WDR7: variants seen among roughly 807,000 people sequenced by gnomAD.
WDR7 encodes WD repeat-containing protein 7.
In WDR7, 46 loss-of-function variants were observed where a neutral mutation model predicts 169.4. That is an observed-to-expected ratio of 0.27 (90% CI 0.21 to 0.35). The LOEUF is 0.35. Among genes scored for constraint, WDR7 ranks in the 10% least tolerant of loss-of-function variants. WDR7 has a pLI of 1.00. For synonymous variants in WDR7, 612 were observed against 666.8 expected, an observed-to-expected ratio of 0.92 and a Z score of 1.27; for missense variants, 1,534 against 1,859.3, an observed-to-expected ratio of 0.83 and a Z score of 3.22.
At chr18:56,804,595 GAAGT>G (rs1004805976) in intron 19 of WDR7, among the ~76,000 whole-genome samples, 2 of 152,112 alleles carry the variant, frequency 1.3e-5, no homozygotes, top group African/African-American at 4.8e-5. Flanking sequence ...TATTCATAAA[GAAGT>G]AAGTCAAAAA....
intron 1 of WDR7, among the ~76,000 whole-genome samples, chr18:56,659,515 A>G (rs1160631507): frequency 6.6e-6 from 1 of 152,238 alleles, no homozygotes; most frequent in African/African-American, 2.4e-5. Flanking sequence ...TAAATAAAAC[A>G]TATGGTATGT....
Position 57,027,373 on chromosome 18 carries a change from C to T in WDR7, c.*166C>T. The stretch of plus-strand genomic sequence containing the variant: ...TTGTGCATGCTTCTCAGGGGCAGAA[C>T]CCGCTCGTGCCATCTGTCGATTCAG... On this transcript the variant is annotated 3_prime_UTR_variant, in exon 28 of 28. Transcript: ENST00000254442. 1 of 781,754 alleles carries T rather than the reference C, an allele frequency of 1.3e-6. No homozygotes were observed. Among genetic ancestry groups the T allele is most frequent in the South Asian group, 1.8e-5 (1 of 54,606 alleles). 48.4% of individuals were successfully genotyped at this position (781,754 alleles called of 1,614,324 possible). A position where few individuals can be genotyped will look rare whatever the true frequency, so the allele number is the denominator to read the frequency against.
At position 56,757,341 on chromosome 18, in the gene WDR7, G is replaced by A; in HGVS notation, c.2748G>A (p.Lys916=). The change falls in exon 15 of 28, where the codon AAG becomes AAA. Residue 916 remains lysine (K), a synonymous_variant. Coordinates refer to ENST00000254442, the MANE Select transcript of WDR7 (RefSeq NM_015285.3). ...CTTTTATTGGTGATCATATGAAGAA[G>A]GGTCCTACCAGGTGTGACCATGATA... The part of the protein sequence containing the change: ...NATFIGDHMK[K]GPTRPPRPST... 1 of 1,606,798 alleles carries A rather than the reference G, an allele frequency of 6.2e-7. No individual in the cohort carries two copies. The highest frequency in any genetic ancestry group is 1.3e-5 in the African/African-American group (1 of 74,940).
At chr18:56,690,139 TATAAG>T (rs2025533078) in intron 7 of WDR7, among the ~76,000 whole-genome samples, 1 of 152,252 alleles carries the variant, frequency 6.6e-6, no homozygotes, top group South Asian at 2.1e-4. Flanking sequence ...TGCTAGGAAT[TATAAG>T]AGCAGAGTTT....
intron 26 of WDR7, among the ~76,000 whole-genome samples, chr18:57,015,001 TG>T (rs2048187599): frequency 6.6e-6 from 1 of 152,226 alleles, no homozygotes; most frequent in Non-Finnish European, 1.5e-5. Flanking sequence ...AAGCTTCAAC[TG>T]CAGTGTTTTG....
chr18:56,868,222 A>C (rs541642155), intron 20 of WDR7, among the ~76,000 whole-genome samples: 21 of 152,232 alleles, frequency 1.4e-4, no homozygotes, highest in Admixed American at 1.2e-3. Flanking sequence ...ACGAACCTTT[A>C]AAAAATGGTC....
chr18:56,815,220 G>C (rs1015377745), intron 19 of WDR7, among the ~76,000 whole-genome samples: 5 of 152,114 alleles, frequency 3.3e-5, no homozygotes, highest in Non-Finnish European at 7.4e-5. Flanking sequence ...AACTCCTAGA[G>C]TAGCTTCTAA....
chr18:56,729,315 A>C (rs569385717), intron 13 of WDR7, among the ~76,000 whole-genome samples: 4 of 152,302 alleles, frequency 2.6e-5, no homozygotes, highest in South Asian at 2.1e-4. Flanking sequence ...TAAAAACATA[A>C]TATGATATAC....
At chr18:56,678,037 C>A (rs1178573748) in intron 2 of WDR7, among the ~76,000 whole-genome samples, 1 of 152,080 alleles carries the variant, frequency 6.6e-6, no homozygotes, top group Non-Finnish European at 1.5e-5. Context: ...TTGATCATTT[C>A]CGCTATTAAA....
At chr18:56,737,484 G>A (rs2026725938) in intron 14 of WDR7, among the ~76,000 whole-genome samples, 1 of 152,120 alleles carries the variant, frequency 6.6e-6, no homozygotes, top group African/African-American at 2.4e-5. Flanking sequence ...ATTTATAGGG[G>A]AAAATGATGA....
chr18:56,695,023 A>T lies in WDR7; in HGVS notation c.1182A>T (p.Ile394=). ...DKLNPCPAGI[I]DQLSVIPNSN... is the part of the protein sequence containing the mutation. ...TGAATCCTTGTCCTGCTGGAATTAT[A>T]GATCAGCTGAGTGTGATTCCCAATA... Residue 394 remains isoleucine (I), a synonymous_variant, in exon 11 of 28, where the codon ATA becomes ATT. Coordinates refer to ENST00000254442, the MANE Select transcript of WDR7 (RefSeq NM_015285.3). The T allele has an allele frequency of 6.2e-7, 1 of 1,614,230 alleles. No homozygotes were observed. The highest frequency in any genetic ancestry group is 8.5e-7 in the Non-Finnish European group (1 of 1,180,028).
At chr18:56,914,614 C>T (rs774778537) in intron 21 of WDR7, among the ~76,000 whole-genome samples, 10 of 152,072 alleles carry the variant, frequency 6.6e-5, no homozygotes, top group African/African-American at 1.4e-4. Flanking sequence ...TAGAAGTGTT[C>T]GGACTATTCA....
chr18:56,790,504 T>C (rs1412852529), intron 19 of WDR7, among the ~76,000 whole-genome samples: 1 of 152,206 alleles, frequency 6.6e-6, no homozygotes, highest in Non-Finnish European at 1.5e-5. Context: ...AAGAAAATTA[T>C]ATTAACCTAT....
intron 26 of WDR7, among the ~76,000 whole-genome samples, chr18:57,007,764 T>C (rs377221029): frequency 6.6e-6 from 1 of 152,190 alleles, no homozygotes; most frequent in East Asian, 1.9e-4. Flanking sequence ...AGCCCAGGTC[T>C]TTCTTTTCTG....
chr18:56,971,469 A>G (rs2047485179), intron 26 of WDR7, among the ~76,000 whole-genome samples: 1 of 152,160 alleles, frequency 6.6e-6, no homozygotes, highest in African/African-American at 2.4e-5. Flanking sequence ...AAAAGTAAAT[A>G]TGAACTGTTC....
At chr18:56,911,169 TA>T (rs372943042) in intron 21 of WDR7, among the ~76,000 whole-genome samples, 9 of 152,166 alleles carry the variant, frequency 5.9e-5, no homozygotes, top group African/African-American at 2.2e-4. Context: ...CTGGGTTAGA[TA>T]ATGGACTCAA....
chr18:56,932,568 T>G (rs571483939), intron 22 of WDR7, among the ~76,000 whole-genome samples: 135 of 152,368 alleles, frequency 8.9e-4, no homozygotes, highest in African/African-American at 3.1e-3. Flanking sequence ...CCCTTCACTT[T>G]GCTTTTTTTT....
intron 9 of WDR7, 101 bp from the exon 10 acceptor site, chr18:56,694,518 A>G (rs1252491638): frequency 1.7e-6 from 2 of 1,194,264 alleles, no homozygotes; most frequent in Non-Finnish European, 2.3e-6. Context: ...CAACTTGGCT[A>G]CTGGGACAAA....
At position 56,682,785 on chromosome 18, in the gene WDR7, C is replaced by T; in HGVS notation, c.452C>T (p.Ser151Phe). Residue 151 changes from serine (S) to phenylalanine (F), a missense_variant, in exon 5 of 28, where the codon TCC (serine) becomes TTC (phenylalanine). Physicochemically the swap from Ser to Phe is radical, Grantham distance 155. Coordinates refer to ENST00000254442, the MANE Select transcript of WDR7 (RefSeq NM_015285.3). ...VDATSLEVLY[S>F]LVSKISPDWI... ...GCTACCAGCCTTGAAGTATTATACT[C>T]CTTAGTATCAAAGATATCACCAGAC... The T allele has an allele frequency of 6.2e-7, 1 of 1,613,768 alleles. No individual in the cohort carries two copies. The highest frequency in any genetic ancestry group is 8.5e-7 in the Non-Finnish European group (1 of 1,179,782).
Sources: gnomAD v4.1 joint callset for allele counts (sites outside exome capture counted in the v4.1 genomes callset) on GRCh38, gnomAD v4.1.1 for gene constraint, MANE v1.5 for transcripts, NCBI Gene and HGNC (gene_info 2026-07-23, HGNC 2026-07-21) for gene names.